The following DENND1A variants were observed in gnomAD, a reference collection of about 807,000 sequenced individuals.
DENND1A encodes DENN domain-containing protein 1A.
DENND1A carries 51 observed loss-of-function variants against 113.7 expected under a neutral mutation model. The ratio of observed to expected loss-of-function variants is 0.45; its 90% confidence interval spans 0.36 to 0.57. The LOEUF (loss-of-function observed/expected upper bound fraction) is 0.57. DENND1A is among the 20% of genes least tolerant of loss of function. DENND1A has a pLI of 0.00. For missense variants in DENND1A, 1,258 were observed against 1,395.9 expected (o/e 0.90, Z 1.57); for synonymous variants, 565 against 570.8 (o/e 0.99, Z 0.14).
At position 123,897,944 on chromosome 9, in the gene DENND1A, G is replaced by GGA. The variant is rs1851026057; in HGVS notation, c.18-18925_18-18924dup. On this transcript the variant is annotated intron_variant, in intron 1 of 23. Transcript: ENST00000394215. The stretch of plus-strand genomic sequence containing the variant: ...AACAGAGTAGGACCCTGTCTCAAGC[G>GGA]GAAAAAAAAAAAAAAAAAGGTCCAC... Among the ~76,000 whole-genome samples, 3 of 142,936 alleles carry GGA rather than the reference G, an allele frequency of 2.1e-5. No homozygotes were observed. The South Asian group carries it at 6.5e-4, about 31-fold the overall frequency. The allele number at this position is 142,936 out of a possible 152,430, so 93.8% of individuals were successfully genotyped here.
At chr9:123,704,848 C>A (rs896679839) in intron 5 of DENND1A, among the ~76,000 whole-genome samples, 1 of 151,484 alleles carries the variant, frequency 6.6e-6, no homozygotes, top group African/African-American at 2.4e-5. Flanking sequence ...ATTAGTGAGC[C>A]GGAAGATAAA....
chr9:123,758,637 G>A (rs2070774727), intron 4 of DENND1A, among the ~76,000 whole-genome samples: 1 of 151,980 alleles, frequency 6.6e-6, no homozygotes, highest in Admixed American at 6.5e-5. Context: ...AGCATTGCAT[G>A]GTGTTTTCTA....
At chr9:123,416,508 T>C (rs1483506286) in intron 19 of DENND1A, among the ~76,000 whole-genome samples, 1 of 152,246 alleles carries the variant, frequency 6.6e-6, no homozygotes, top group African/African-American at 2.4e-5. Flanking sequence ...CATCTTTGCA[T>C]TGAGGTCATG....
intron 10 of DENND1A, among the ~76,000 whole-genome samples, chr9:123,623,004 CAT>C (rs1305088983): frequency 1.8e-4 from 27 of 152,178 alleles, no homozygotes; most frequent in Admixed American, 1.3e-4. Context: ...ACCAGCAGCA[CAT>C]GTTTTTAAAT....
intron 2 of DENND1A, among the ~76,000 whole-genome samples, chr9:123,828,379 T>A (rs1839690292): frequency 6.6e-6 from 1 of 151,046 alleles, no homozygotes; most frequent in African/African-American, 2.4e-5. Flanking sequence ...GAAGGGAGAG[T>A]AAGTTATATA....
intron 1 of DENND1A, among the ~76,000 whole-genome samples, chr9:123,882,322 C>CAAAAAAAAAA (rs59820553): frequency 1.6e-5 from 2 of 124,412 alleles, no homozygotes; most frequent in East Asian, 2.2e-4. Context: ...AACCTTGTTT[C>CAAAAAAAAAA]AAAAAAAAAA....
intron 13 of DENND1A, among the ~76,000 whole-genome samples, chr9:123,470,903 G>C (rs1025511360): frequency 6.6e-6 from 1 of 152,088 alleles, no homozygotes; most frequent in Admixed American, 6.5e-5. Context: ...GTGTTGAAAC[G>C]GGCCTGGTAC....
chr9:123,642,498 C>T (rs2062082200), intron 9 of DENND1A, among the ~76,000 whole-genome samples: 1 of 152,236 alleles, frequency 6.6e-6, no homozygotes, highest in Non-Finnish European at 1.5e-5. Flanking sequence ...TCTTTGAATA[C>T]TCTTCTCAGG....
intron 12 of DENND1A, among the ~76,000 whole-genome samples, chr9:123,561,700 C>T (rs938734618): frequency 4.6e-5 from 7 of 152,098 alleles, no homozygotes; most frequent in Middle Eastern, 3.4e-3. Context: ...CTCCTTTAAT[C>T]GGGTGTTATA....
chr9:123,420,899 G>A (rs2045234328), intron 19 of DENND1A, among the ~76,000 whole-genome samples: 1 of 151,352 alleles, frequency 6.6e-6, no homozygotes, highest in Admixed American at 6.6e-5. Context: ...GGGGAGGGGA[G>A]CCCTTTGTTT....
intron 13 of DENND1A, among the ~76,000 whole-genome samples, chr9:123,523,934 A>G (rs187099908): frequency 2.5e-4 from 38 of 152,342 alleles, no homozygotes; most frequent in African/African-American, 6.5e-4. Context: ...CTCAACAACT[A>G]GAATCTCTCT....
intron 2 of DENND1A, among the ~76,000 whole-genome samples, chr9:123,833,196 G>A (rs374046482): frequency 2.6e-4 from 40 of 151,226 alleles, no homozygotes; most frequent in African/African-American, 8.7e-4. Context: ...TCTAATTGAG[G>A]GAATGGTGTT....
intron 19 of DENND1A, among the ~76,000 whole-genome samples, chr9:123,423,181 G>A (rs556613910): frequency 2.1e-4 from 32 of 152,294 alleles, no homozygotes; most frequent in African/African-American, 7.2e-4. Context: ...CGGCAGAGAC[G>A]GGACACTGAC....
chr9:123,681,809 G>A (rs557892732), intron 5 of DENND1A, among the ~76,000 whole-genome samples: 4 of 152,116 alleles, frequency 2.6e-5, no homozygotes, highest in African/African-American at 9.6e-5. Flanking sequence ...CACACTTAGT[G>A]CCCAGATATT....
In DENND1A at chr9:123,930,058, G is replaced by A. The variant is rs1489973611; in HGVS notation, c.-153C>T. ...CCCGCTCGAGGCTCGCTCCCTCGCC[G>A]CCGCCGCCGCCTCCAGGGGTTAATG... On this transcript the variant is annotated 5_prime_UTR_variant, in exon 1 of 24. Transcript: ENST00000394215. The A allele has an allele frequency of 1.9e-5, 4 of 209,206 alleles. No homozygotes were observed. Among genetic ancestry groups the A allele is most frequent in the Admixed American group, 6.0e-5 (1 of 16,620 alleles). 13.0% of individuals were successfully genotyped at this position (209,206 alleles called of 1,614,324 possible). A position where few individuals can be genotyped will look rare whatever the true frequency, so the allele number is the denominator to read the frequency against.
chr9:123,928,856 A>T (rs903842611), intron 1 of DENND1A: 3 of 985,372 alleles, frequency 3.0e-6, no homozygotes, highest in Admixed American at 6.1e-5. Context: ...ACTTTCTTGT[A>T]AGAGGGTTTA....
chr9:123,609,738 C>T (rs751165427), intron 10 of DENND1A, among the ~76,000 whole-genome samples: 3 of 152,140 alleles, frequency 2.0e-5, no homozygotes, highest in Admixed American at 6.5e-5. Context: ...CCCTAAAGAG[C>T]GGCTCTGCAA....
intron 2 of DENND1A, among the ~76,000 whole-genome samples, chr9:123,799,051 C>G (rs1011279839): frequency 1.3e-5 from 2 of 151,994 alleles, no homozygotes; most frequent in African/African-American, 2.4e-5. Flanking sequence ...TATACTTTGC[C>G]TAAACGACAG....
At chr9:123,460,554 A>G (rs1214954028) in intron 13 of DENND1A, among the ~76,000 whole-genome samples, 3 of 152,216 alleles carry the variant, frequency 2.0e-5, no homozygotes, top group African/African-American at 7.2e-5. Flanking sequence ...ACTGCGCCCC[A>G]AATCTATTTT....
Sources: gnomAD v4.1 joint callset for allele counts (sites outside exome capture counted in the v4.1 genomes callset) on GRCh38, gnomAD v4.1.1 for gene constraint, MANE v1.5 for transcripts, NCBI Gene and HGNC (gene_info 2026-07-23, HGNC 2026-07-21) for gene names.